The following TRABD2B variants were observed in gnomAD, a reference collection of about 807,000 sequenced individuals.
TRABD2B encodes metalloprotease TIKI2.
Under a neutral mutation model 40.1 loss-of-function variants are expected in TRABD2B, and 14 were observed. The observed-to-expected ratio is 0.35, with a 90% CI of 0.23 to 0.55. TRABD2B has a LOEUF of 0.55. TRABD2B is among the 20% of genes least tolerant of loss of function. The probability of loss-of-function intolerance (pLI) is 0.90; values close to 1 mark genes in which losing one functional copy is unlikely to be tolerated. For missense variants in TRABD2B, 541 were observed against 648.6 expected (o/e 0.83, Z 1.80); for synonymous variants, 263 against 277.0 (o/e 0.95, Z 0.50).
intron 4 of TRABD2B, among the ~76,000 whole-genome samples, chr1:47,790,065 G>T (rs1644650264): frequency 1.3e-5 from 2 of 152,068 alleles, no homozygotes; most frequent in African/African-American, 4.8e-5. Flanking sequence ...CTTAAGTAAG[G>T]AATATTTTAA....
At chr1:47,956,062 A>C (rs747082051) in intron 2 of TRABD2B, among the ~76,000 whole-genome samples, 1 of 152,176 alleles carries the variant, frequency 6.6e-6, no homozygotes, top group Non-Finnish European at 1.5e-5. Flanking sequence ...ATTCAGTAAG[A>C]GTATGTGGGG....
intron 6 of TRABD2B, among the ~76,000 whole-genome samples, chr1:47,773,695 T>TG (rs1245788306): frequency 2.0e-5 from 3 of 152,246 alleles, no homozygotes; most frequent in Non-Finnish European, 4.4e-5. Flanking sequence ...TGTGAGTCAA[T>TG]GAAACCTCTT....
chr1:47,918,464 A>C (rs1284696006), intron 2 of TRABD2B, among the ~76,000 whole-genome samples: 1 of 152,220 alleles, frequency 6.6e-6, no homozygotes, highest in East Asian at 1.9e-4. Flanking sequence ...CCAAGATCAC[A>C]TAGCTAGTAC....
At chr1:47,941,332 A>G (rs1645185199) in intron 2 of TRABD2B, among the ~76,000 whole-genome samples, 1 of 152,126 alleles carries the variant, frequency 6.6e-6, no homozygotes, top group Non-Finnish European at 1.5e-5. Context: ...GCATGTACAC[A>G]CACCCATGCA....
At chr1:47,993,154 T>TTGGGGCCTCCTTGAAGGAGTCCCCATCC (rs1557701115) in intron 2 of TRABD2B, among the ~76,000 whole-genome samples, 2 of 152,148 alleles carry the variant, frequency 1.3e-5, no homozygotes, top group Non-Finnish European at 2.9e-5. Flanking sequence ...AAGCCCCATC[T>TTGGGGCCTCCTTGAAGGAGTCCCCATCC]TGGGGCCTCC....
At chr1:47,954,999 C>T (rs999996275) in intron 2 of TRABD2B, among the ~76,000 whole-genome samples, 1 of 152,064 alleles carries the variant, frequency 6.6e-6, no homozygotes, top group African/African-American at 2.4e-5. Flanking sequence ...TGCCTGACAG[C>T]CTGTCCACTT....
intron 2 of TRABD2B, among the ~76,000 whole-genome samples, chr1:47,807,401 C>T (rs1644906687): frequency 6.6e-6 from 1 of 152,210 alleles, no homozygotes; most frequent in South Asian, 2.1e-4. Context: ...ACAACCCAAT[C>T]CAGACAGGAC....
At chr1:47,821,288 C>G (rs753157780) in intron 2 of TRABD2B, among the ~76,000 whole-genome samples, 13 of 152,200 alleles carry the variant, frequency 8.5e-5, no homozygotes, top group Admixed American at 2.0e-4. Context: ...TATTAGCAGT[C>G]AGAGGCCCTG....
At chr1:47,781,315 GA>G (rs1267723282) in intron 4 of TRABD2B, among the ~76,000 whole-genome samples, 1 of 152,136 alleles carries the variant, frequency 6.6e-6, no homozygotes, top group Non-Finnish European at 1.5e-5. Context: ...GAGCTGCCAG[GA>G]AAAAAAGCCC....
chr1:47,955,376 G>A (rs1645404377), intron 2 of TRABD2B, among the ~76,000 whole-genome samples: 1 of 152,140 alleles, frequency 6.6e-6, no homozygotes, highest in South Asian at 2.1e-4. Context: ...GAATAGTACA[G>A]ACTCCACGTC....
intron 2 of TRABD2B, among the ~76,000 whole-genome samples, chr1:47,988,579 C>T (rs1264487623): frequency 6.6e-6 from 1 of 152,112 alleles, no homozygotes; most frequent in Non-Finnish European, 1.5e-5. Context: ...AGCAGGATCA[C>T]CCACTGGAAC....
intron 1 of TRABD2B, among the ~76,000 whole-genome samples, chr1:47,995,523 C>T (rs1034448667): frequency 6.7e-6 from 1 of 149,904 alleles, no homozygotes; most frequent in African/African-American, 2.5e-5. Flanking sequence ...TGTGTGTGCG[C>T]GTGTGTGTGT....
intron 2 of TRABD2B, among the ~76,000 whole-genome samples, chr1:47,808,531 A>G (rs1196512855): frequency 6.6e-6 from 1 of 152,212 alleles, no homozygotes; most frequent in Non-Finnish European, 1.5e-5. Context: ...AAGCTGAGCC[A>G]ACAAGGAAGA....
At chr1:47,814,408 T>C (rs547452808) in intron 2 of TRABD2B, among the ~76,000 whole-genome samples, 1 of 152,354 alleles carries the variant, frequency 6.6e-6, no homozygotes, top group South Asian at 2.1e-4. Flanking sequence ...GGACACTGAC[T>C]GTAGCAGGAG....
chr1:47,935,151 T>G (rs1433817422), intron 2 of TRABD2B, among the ~76,000 whole-genome samples: 3 of 152,170 alleles, frequency 2.0e-5, no homozygotes, highest in African/African-American at 4.8e-5. Flanking sequence ...TAATCATAAT[T>G]ACACCTACTA....
chr1:47,942,056 A>C (rs1487817634), intron 2 of TRABD2B, among the ~76,000 whole-genome samples: 3 of 152,228 alleles, frequency 2.0e-5, no homozygotes, highest in African/African-American at 7.2e-5. Context: ...ATGAATGACT[A>C]AACACTATTG....
At chr1:47,790,019 CTT>C (rs1483656496) in intron 4 of TRABD2B, among the ~76,000 whole-genome samples, 2 of 151,776 alleles carry the variant, frequency 1.3e-5, no homozygotes, top group Non-Finnish European at 2.9e-5. Context: ...GACTTTGAGA[CTT>C]TTATCTGCTT....
intron 2 of TRABD2B, among the ~76,000 whole-genome samples, chr1:47,805,256 ATT>A (rs61141795): frequency 8.6e-5 from 12 of 139,620 alleles, no homozygotes; most frequent in Admixed American, 1.4e-4. Flanking sequence ...TGCCACACCC[ATT>A]TTTTTTTTTT....
chr1:47,939,760 T>A (rs1645161363), intron 2 of TRABD2B, among the ~76,000 whole-genome samples: 1 of 151,452 alleles, frequency 6.6e-6, no homozygotes, highest in African/African-American at 2.4e-5. Flanking sequence ...ACACAAGGAG[T>A]CCTCCTTTCC....
Sources: gnomAD v4.1 joint callset for allele counts (sites outside exome capture counted in the v4.1 genomes callset) on GRCh38, gnomAD v4.1.1 for gene constraint, MANE v1.5 for transcripts, NCBI Gene and HGNC (gene_info 2026-07-23, HGNC 2026-07-21) for gene names.